The following UNC5D variants were observed in gnomAD, a reference collection of about 807,000 sequenced individuals.
The protein encoded by UNC5D is unc-5 netrin receptor D, also known as netrin receptor UNC5D.
UNC5D carries 39 observed loss-of-function variants against 105.4 expected under a neutral mutation model. That is an observed-to-expected ratio of 0.37 (90% CI 0.29 to 0.48). The LOEUF (loss-of-function observed/expected upper bound fraction) is 0.48. Among genes scored for constraint, UNC5D ranks in the 20% least tolerant of loss-of-function variants. The pLI is 0.98. For missense variants in UNC5D, 991 were observed against 1,202.4 expected (o/e 0.82, Z 2.60); for synonymous variants, 452 against 450.4 (o/e 1.00, Z -0.04).
intron 1 of UNC5D, among the ~76,000 whole-genome samples, chr8:35,534,302 T>C (rs1814669629): frequency 6.6e-6 from 1 of 152,188 alleles, no homozygotes; most frequent in South Asian, 2.1e-4. Flanking sequence ...CATCCTACTG[T>C]CAACTTTAAA....
At chr8:35,605,973 C>T (rs1013453602) in intron 4 of UNC5D, among the ~76,000 whole-genome samples, 21 of 151,298 alleles carry the variant, frequency 1.4e-4, no homozygotes, top group Non-Finnish European at 2.9e-4. Flanking sequence ...CCCTCAGTTT[C>T]CTTTTTTTTT....
At chr8:35,742,149 C>T (rs1211862296) in intron 11 of UNC5D, among the ~76,000 whole-genome samples, 2 of 151,678 alleles carry the variant, frequency 1.3e-5, no homozygotes, top group African/African-American at 4.8e-5. Flanking sequence ...GAAAAGCTGG[C>T]TTTAAAGGGT....
At position 35,523,046 on chromosome 8, in the gene UNC5D, AT is replaced by A. The variant is rs138243666; in HGVS notation, c.104-26236del. Among the ~76,000 whole-genome samples the A allele has an allele frequency of 9.8e-3, 1,363 of 138,830 alleles. 17 individuals are homozygous for A. The highest frequency in any genetic ancestry group is 0.034 in the African/African-American group (1,262 of 37,630). The allele number at this position is 138,830 out of a possible 152,430, so 91.1% of individuals were successfully genotyped here. A position where few individuals can be genotyped will look rare whatever the true frequency, so the allele number is the denominator to read the frequency against. On this transcript the variant is annotated intron_variant, in intron 1 of 16. Coordinates refer to ENST00000404895, the MANE Select transcript of UNC5D (RefSeq NM_080872.4). ...TCTTCAACTGTGTGATTTAGGAACT[AT>A]TTTTTTTTTAAATAATTACAGTGGT...
intron 7 of UNC5D, among the ~76,000 whole-genome samples, chr8:35,703,921 C>T (rs1193107422): frequency 1.3e-5 from 2 of 152,154 alleles, no homozygotes; most frequent in Non-Finnish European, 2.9e-5. Flanking sequence ...AGCTTAAAAC[C>T]ACCAAAGTCA....
chr8:35,603,576 G>C (rs1820049099), intron 4 of UNC5D, among the ~76,000 whole-genome samples: 1 of 152,066 alleles, frequency 6.6e-6, no homozygotes, highest in South Asian at 2.1e-4. Context: ...GTGCAGAGCT[G>C]AGTTCAATTC....
At chr8:35,499,549 T>C (rs1811837403) in intron 1 of UNC5D, among the ~76,000 whole-genome samples, 1 of 152,208 alleles carries the variant, frequency 6.6e-6, no homozygotes, top group Non-Finnish European at 1.5e-5. Context: ...GGCAAATATA[T>C]TTTAATTATG....
chr8:35,366,723 C>T (rs555143200), intron 1 of UNC5D, among the ~76,000 whole-genome samples: 1 of 152,084 alleles, frequency 6.6e-6, no homozygotes, highest in East Asian at 1.9e-4. Context: ...GATCCTTCTT[C>T]CCCTGAGTAA....
In UNC5D at chr8:35,581,058, T is replaced by C. The variant is rs116159197; in HGVS notation, c.466+12817T>C. 8.1e-3 allele frequency among the ~76,000 whole-genome samples: 1,228 copies of C among 152,218 alleles called. 32 individuals carry two copies. The highest frequency in any genetic ancestry group is 0.028 in the African/African-American group (1,160 of 41,516). On this transcript the variant is annotated intron_variant, in intron 3 of 16. Coordinates refer to ENST00000404895, the MANE Select transcript of UNC5D (RefSeq NM_080872.4). The stretch of plus-strand genomic sequence containing the variant: ...CACATGAGAATCACATGGGGAACTT[T>C]TAAAAATTAAGATTCCAGGGTCTCA...
chr8:35,413,386 A>T (rs908466797), intron 1 of UNC5D, among the ~76,000 whole-genome samples: 1 of 151,522 alleles, frequency 6.6e-6, no homozygotes, highest in African/African-American at 2.4e-5. Flanking sequence ...CTTTGAAAAA[A>T]AAAAGTTATT....
intron 1 of UNC5D, among the ~76,000 whole-genome samples, chr8:35,387,777 G>A (rs1803502032): frequency 6.6e-6 from 1 of 152,142 alleles, no homozygotes; most frequent in Admixed American, 6.5e-5. Context: ...GGTATTTAGA[G>A]AGACAGTGCC....
chr8:35,515,363 A>G (rs986089869), intron 1 of UNC5D, among the ~76,000 whole-genome samples: 3 of 152,206 alleles, frequency 2.0e-5, no homozygotes, highest in African/African-American at 7.2e-5. Context: ...TTAGGTATAT[A>G]GACAGCATAG....
intron 10 of UNC5D, among the ~76,000 whole-genome samples, chr8:35,730,643 T>C (rs779830908): frequency 2.6e-5 from 4 of 152,162 alleles, no homozygotes; most frequent in Non-Finnish European, 4.4e-5. Context: ...TGATGAGATA[T>C]ACATTTTTTT....
At chr8:35,448,463 C>T (rs1040153200) in intron 1 of UNC5D, among the ~76,000 whole-genome samples, 6 of 151,934 alleles carry the variant, frequency 3.9e-5, no homozygotes, top group African/African-American at 1.2e-4. Flanking sequence ...ACTCTTTGGT[C>T]TTTAAGTTTG....
At chr8:35,765,377 GA>G (rs774209984) in intron 14 of UNC5D, among the ~76,000 whole-genome samples, 3 of 152,206 alleles carry the variant, frequency 2.0e-5, no homozygotes, top group Non-Finnish European at 4.4e-5. Context: ...TGAAATGCCA[GA>G]TGGTTTCCTG....
chr8:35,685,008 A>AGTCTT (rs1825912853), intron 6 of UNC5D, among the ~76,000 whole-genome samples: 1 of 152,208 alleles, frequency 6.6e-6, no homozygotes, highest in Admixed American at 6.5e-5. Context: ...ATTGCTATGA[A>AGTCTT]GTCTTGTTAT....
intron 7 of UNC5D, among the ~76,000 whole-genome samples, chr8:35,689,564 C>A (rs1261020598): frequency 6.6e-6 from 1 of 152,184 alleles, no homozygotes; most frequent in Non-Finnish European, 1.5e-5. Flanking sequence ...AGCCAATGTC[C>A]CAGTTCAAGC....
At chr8:35,785,946 A>G (rs891341325) in intron 16 of UNC5D, among the ~76,000 whole-genome samples, 1 of 152,100 alleles carries the variant, frequency 6.6e-6, no homozygotes, top group African/African-American at 2.4e-5. Flanking sequence ...CCCCCTTATA[A>G]GGTTATACCC....
At chr8:35,652,171 C>T (rs1823453713) in intron 4 of UNC5D, among the ~76,000 whole-genome samples, 1 of 152,024 alleles carries the variant, frequency 6.6e-6, no homozygotes, top group Admixed American at 6.6e-5. Context: ...TTTCAAATTT[C>T]CGACTTTTTG....
intron 1 of UNC5D, among the ~76,000 whole-genome samples, chr8:35,314,005 G>A (rs1809096020): frequency 6.6e-6 from 1 of 152,036 alleles, no homozygotes; most frequent in Non-Finnish European, 1.5e-5. Flanking sequence ...TGGAAATGTT[G>A]TTCTAATTTT....
Sources: gnomAD v4.1 joint callset for allele counts (sites outside exome capture counted in the v4.1 genomes callset) on GRCh38, gnomAD v4.1.1 for gene constraint, MANE v1.5 for transcripts, NCBI Gene and HGNC (gene_info 2026-07-23, HGNC 2026-07-21) for gene names.